RBFOX1: variants seen among roughly 807,000 people sequenced by gnomAD.
RBFOX1 encodes the protein RNA binding protein fox-1 homolog 1.
In RBFOX1, 8 loss-of-function variants were observed where a neutral mutation model predicts 57.7. That is an observed-to-expected ratio of 0.14 (90% CI 0.08 to 0.25). The LOEUF (loss-of-function observed/expected upper bound fraction) is 0.25. Among genes scored for constraint, RBFOX1 ranks in the 10% least tolerant of loss-of-function variants. RBFOX1 has a pLI of 1.00. For synonymous variants in RBFOX1, 326 were observed against 222.4 expected, an observed-to-expected ratio of 1.47 and a Z score of -4.15; for missense variants, 611 against 548.5, an observed-to-expected ratio of 1.11 and a Z score of -1.14.
intron 2 of RBFOX1, among the ~76,000 whole-genome samples, chr16:5,535,145 T>A (rs938692426): frequency 4.6e-5 from 7 of 152,298 alleles, no homozygotes; most frequent in Middle Eastern, 3.4e-3. Context: ...TTTGAAAAAA[T>A]TAACTAAAAT....
chr16:7,684,356 A>G (rs2075589153), intron 14 of RBFOX1, among the ~76,000 whole-genome samples: 1 of 152,084 alleles, frequency 6.6e-6, no homozygotes, highest in Non-Finnish European at 1.5e-5. Context: ...AGGGGATGGG[A>G]GTCTGTGGGG....
intron 4 of RBFOX1, among the ~76,000 whole-genome samples, chr16:7,215,107 G>T (rs1032105299): frequency 6.6e-6 from 1 of 152,038 alleles, no homozygotes; most frequent in African/African-American, 2.4e-5. Flanking sequence ...GCCTCCCTAC[G>T]TCCATGTGTT....
intron 4 of RBFOX1, among the ~76,000 whole-genome samples, chr16:5,953,073 G>A (rs1239368830): frequency 5.9e-5 from 8 of 136,648 alleles, no homozygotes; most frequent in Non-Finnish European, 1.1e-4. Context: ...AAGTACCACT[G>A]ATTTAGCTCT....
rs79036008 is a variant in RBFOX1, at chr16:7,287,450, G to A, written c.28-230697G>A. The stretch of plus-strand genomic sequence containing the variant: ...CCATCAAACTTGCTCTAAAGGACCA[G>A]GACAGCGAGTAGGTGCAAGCTGATC... On this transcript the variant is annotated intron_variant, in intron 4 of 15. Coordinates refer to ENST00000550418, the MANE Select transcript of RBFOX1 (RefSeq NM_018723.4). 3.6e-3 allele frequency among the ~76,000 whole-genome samples: 553 copies of A among 152,234 alleles called. 5 individuals are homozygous for A. Among genetic ancestry groups the A allele is most frequent in the Non-Finnish European group, 3.8e-3 (256 of 68,026 alleles).
intron 4 of RBFOX1, among the ~76,000 whole-genome samples, chr16:7,141,746 C>T (rs115084924): frequency 1.3e-5 from 2 of 152,080 alleles, no homozygotes. Context: ...CCAGTAAGTT[C>T]TAATCCATCT....
At chr16:5,484,177 A>G (rs2151650791) in intron 2 of RBFOX1, among the ~76,000 whole-genome samples, 1 of 152,328 alleles carries the variant, frequency 6.6e-6, no homozygotes, top group South Asian at 2.1e-4. Flanking sequence ...TCTCAAAAAT[A>G]AAAACGAAAA....
intron 2 of RBFOX1, among the ~76,000 whole-genome samples, chr16:6,491,585 A>G (rs1026100088): frequency 6.6e-6 from 1 of 152,144 alleles, no homozygotes; most frequent in Non-Finnish European, 1.5e-5. Context: ...TATCCTTCTT[A>G]TTGATAGTGT....
chr16:6,522,128 C>G (rs1171389956), intron 2 of RBFOX1, among the ~76,000 whole-genome samples: 1 of 150,358 alleles, frequency 6.7e-6, no homozygotes, highest in Non-Finnish European at 1.5e-5. Flanking sequence ...TATGCAGTAT[C>G]TTTTAATGGC....
intron 1 of RBFOX1, among the ~76,000 whole-genome samples, chr16:6,266,947 C>T (rs1409564708): frequency 6.6e-6 from 1 of 152,132 alleles, no homozygotes; most frequent in Non-Finnish European, 1.5e-5. Flanking sequence ...TTATGATTGG[C>T]ATTCAGTAAA....
At chr16:5,690,057 G>C (rs912588682) in intron 3 of RBFOX1, among the ~76,000 whole-genome samples, 1 of 152,212 alleles carries the variant, frequency 6.6e-6, no homozygotes, top group Non-Finnish European at 1.5e-5. Context: ...CTGAAGGAGA[G>C]CTGGACAGTG....
At chr16:6,624,699 G>T (rs986692003) in intron 2 of RBFOX1, among the ~76,000 whole-genome samples, 1 of 152,088 alleles carries the variant, frequency 6.6e-6, no homozygotes, top group Admixed American at 6.6e-5. Flanking sequence ...ACTCCTAGAC[G>T]TCGTTGTAAA....
chr16:6,558,171 C>A (rs749608386), intron 2 of RBFOX1, among the ~76,000 whole-genome samples: 1 of 152,068 alleles, frequency 6.6e-6, no homozygotes. Context: ...GGGAGGAGTG[C>A]GATAGAGCTG....
intron 3 of RBFOX1, among the ~76,000 whole-genome samples, chr16:6,978,370 C>T (rs1251381348): frequency 2.0e-5 from 3 of 152,172 alleles, no homozygotes; most frequent in South Asian, 2.1e-4. Flanking sequence ...GATCTAATTA[C>T]TCATACAGAC....
intron 3 of RBFOX1, among the ~76,000 whole-genome samples, chr16:5,854,066 G>T (rs1471957154): frequency 6.6e-6 from 1 of 152,146 alleles, no homozygotes; most frequent in Non-Finnish European, 1.5e-5. Context: ...TGACAAAGAA[G>T]AACTGTATTC....
intron 3 of RBFOX1, among the ~76,000 whole-genome samples, chr16:7,046,850 C>A (rs1041508992): frequency 6.6e-6 from 1 of 151,868 alleles, no homozygotes; most frequent in Non-Finnish European, 1.5e-5. Flanking sequence ...AGGTGATCTG[C>A]GAGCCTCGGT....
intron 4 of RBFOX1, among the ~76,000 whole-genome samples, chr16:7,414,294 A>G (rs2098458411): frequency 1.3e-5 from 2 of 152,242 alleles, no homozygotes; most frequent in Non-Finnish European, 2.9e-5. Flanking sequence ...AAGGAACTCT[A>G]TGTTCACTGG....
At chr16:6,439,996 G>A (rs1196152442) in intron 2 of RBFOX1, among the ~76,000 whole-genome samples, 1 of 83,586 alleles carries the variant, frequency 1.2e-5, no homozygotes, top group East Asian at 5.4e-4. Context: ...CACCCAGGCT[G>A]GAGTGCCTCA....
chr16:5,357,199 T>A (rs1173422020), intron 1 of RBFOX1, among the ~76,000 whole-genome samples: 1 of 152,286 alleles, frequency 6.6e-6, no homozygotes, highest in South Asian at 2.1e-4. Context: ...TGCCACATGA[T>A]GTAGCAGTGG....
intron 14 of RBFOX1, among the ~76,000 whole-genome samples, chr16:7,705,190 G>C (rs1178648413): frequency 6.6e-6 from 1 of 151,954 alleles, no homozygotes; most frequent in African/African-American, 2.4e-5. Flanking sequence ...GAATGGATTT[G>C]CATGTGTGCA....
Sources: gnomAD v4.1 joint callset for allele counts (sites outside exome capture counted in the v4.1 genomes callset) on GRCh38, gnomAD v4.1.1 for gene constraint, MANE v1.5 for transcripts, NCBI Gene and HGNC (gene_info 2026-07-23, HGNC 2026-07-21) for gene names.